Variants in SESTD1 observed in about 807,000 individuals in gnomAD.
The protein encoded by SESTD1 is SEC14 domain and spectrin repeat-containing protein 1.
SESTD1 carries 43 observed loss-of-function variants against 101.7 expected under a neutral mutation model. The ratio of observed to expected loss-of-function variants is 0.42; its 90% CI spans 0.33 to 0.55. The LOEUF (loss-of-function observed/expected upper bound fraction) is 0.55, where lower values mean the gene tolerates loss of function less well. Ranked by LOEUF, SESTD1 falls within the 20% of genes least tolerant of loss-of-function variation. The probability of loss-of-function intolerance (pLI) is 0.07; values close to 1 mark genes in which losing one functional copy is unlikely to be tolerated. For synonymous variants in SESTD1, 283 were observed against 286.8 expected (o/e 0.99, Z 0.13); for missense variants, 647 against 815.1 (o/e 0.79, Z 2.51).
chr2:179,254,828 A>C (rs1332127981), intron 1 of SESTD1, among the ~76,000 whole-genome samples: 1 of 152,172 alleles, frequency 6.6e-6, no homozygotes, highest in Non-Finnish European at 1.5e-5. Flanking sequence ...TTTTTCATAG[A>C]TTGAAGGTTG....
At chr2:179,149,464 T>A in intron 6 of SESTD1, 70 bp from the exon 7 acceptor site, 1 of 1,073,838 alleles carries the variant, frequency 9.3e-7, no homozygotes, top group Non-Finnish European at 1.3e-6. Context: ...GATTGTCAGT[T>A]AAGAGTAATA....
At position 179,125,246 on chromosome 2, in the gene SESTD1, CCT is replaced by C. The variant is rs2044845097; in HGVS notation, c.973-690_973-689del. 2.0e-5 allele frequency among the ~76,000 whole-genome samples: 3 copies of C among 152,300 alleles called. No individual in the cohort carries two copies. The South Asian group carries it at 6.2e-4, about 32-fold the overall frequency. On this transcript the variant is annotated intron_variant, in intron 10 of 17. Transcript: ENST00000428443. ...GACCACCTATTGACTCTCCCATTCA[CCT>C]CTGTTTGTAGGCTCACACCTACAAT... is the stretch of plus-strand genomic sequence containing the variant.
In SESTD1 at chr2:179,109,720, T is replaced by C. The variant is rs2044465074; in HGVS notation, c.*179A>G. On this transcript the variant is annotated 3_prime_UTR_variant, in exon 18 of 18. Transcript: ENST00000428443. Reference sequence around the variant, plus strand: ...ACTTGGAATCTACAGCCTCGAAGCATGTTAAGTAATTATGCCTTGGTAGTA... The same window carrying C: ...ACTTGGAATCTACAGCCTCGAAGCACGTTAAGTAATTATGCCTTGGTAGTA... 4 of 683,042 alleles carry C rather than the reference T, an allele frequency of 5.9e-6. No individual in the cohort carries two copies. Among genetic ancestry groups the C allele is most frequent in the South Asian group, 4.9e-5 (2 of 40,960 alleles). The allele number at this position is 683,042 out of a possible 1,614,324, so 42.3% of individuals were successfully genotyped here.
At chr2:179,156,319 T>C (rs1010004721) in intron 5 of SESTD1, among the ~76,000 whole-genome samples, 2 of 152,174 alleles carry the variant, frequency 1.3e-5, no homozygotes, top group African/African-American at 2.4e-5. Context: ...CTTTTTCGTA[T>C]AATGACTTCT....
intron 1 of SESTD1, among the ~76,000 whole-genome samples, chr2:179,205,329 C>T (rs780747560): frequency 6.0e-5 from 8 of 133,574 alleles, no homozygotes; most frequent in Admixed American, 7.3e-5. Flanking sequence ...GGAATCCCTA[C>T]GACAAGGCAT....
intron 5 of SESTD1, chr2:179,162,642 T>C (rs900785556): frequency 2.0e-5 from 3 of 151,928 alleles, no homozygotes; most frequent in South Asian, 2.1e-4. Context: ...GACTGATCAG[T>C]AGGTATTAAG....
chr2:179,259,304 T>C (rs937347270), intron 1 of SESTD1, among the ~76,000 whole-genome samples: 10 of 152,310 alleles, frequency 6.6e-5, no homozygotes, highest in African/African-American at 2.4e-4. Context: ...CGATCTCGGC[T>C]CACTGCAACC....
chr2:179,158,005 C>T (rs770967171), intron 5 of SESTD1, among the ~76,000 whole-genome samples: 4 of 152,080 alleles, frequency 2.6e-5, no homozygotes, highest in Non-Finnish European at 5.9e-5. Context: ...TACTAGAATA[C>T]CCCAAATGAT....
intron 5 of SESTD1, among the ~76,000 whole-genome samples, chr2:179,160,975 A>T (rs2045724924): frequency 6.6e-6 from 1 of 152,026 alleles, no homozygotes; most frequent in Non-Finnish European, 1.5e-5. Context: ...TCTGGCACCC[A>T]GGCTGAAGGG....
intron 2 of SESTD1, among the ~76,000 whole-genome samples, chr2:179,187,637 C>T (rs1037700485): frequency 1.3e-5 from 2 of 151,878 alleles, no homozygotes; most frequent in African/African-American, 4.8e-5. Flanking sequence ...CTGTCTCAAA[C>T]AAACAAACAA....
intron 1 of SESTD1, among the ~76,000 whole-genome samples, chr2:179,258,436 A>T (rs377266926): frequency 6.6e-6 from 1 of 152,252 alleles, no homozygotes; most frequent in Non-Finnish European, 1.5e-5. Flanking sequence ...GAAACTCATA[A>T]GCAAAAGCTC....
At chr2:179,212,344 T>A (rs1158193913) in intron 1 of SESTD1, among the ~76,000 whole-genome samples, 1 of 136,546 alleles carries the variant, frequency 7.3e-6, no homozygotes, top group Non-Finnish European at 1.6e-5. Flanking sequence ...AAGGAAATTC[T>A]CTCCTATGCC....
Position 179,105,358 on chromosome 2 carries a change from C to T in SESTD1, c.*4541G>A, listed in dbSNP as rs2044358891. The T allele has an allele frequency of 6.6e-6, 1 of 152,098 alleles. No individual in the cohort carries two copies. The allele number at this position is 152,098 out of a possible 1,614,324, so 9.4% of individuals were successfully genotyped here. ...ACCTCAAAACAGATGATACTCATCA[C>T]TTGTCTTCCATCTTGCTGTTCTATT... is the stretch of plus-strand genomic sequence containing the variant. On this transcript the variant is annotated 3_prime_UTR_variant, in exon 18 of 18. Transcript: ENST00000428443.
chr2:179,175,884 T>C (rs1284958257), intron 4 of SESTD1, among the ~76,000 whole-genome samples: 1 of 152,226 alleles, frequency 6.6e-6, no homozygotes, highest in Non-Finnish European at 1.5e-5. Context: ...CGTAGATGTT[T>C]ATTAAATGTT....
Position 179,108,059 on chromosome 2 carries a change from A to T in SESTD1, c.*1840T>A, listed in dbSNP as rs1184188939. 3.3e-5 allele frequency: 5 copies of T among 152,288 alleles called. No individual in the cohort carries two copies. Among genetic ancestry groups the T allele is most frequent in the Non-Finnish European group, 5.9e-5 (4 of 68,020 alleles). 9.4% of individuals were successfully genotyped at this position (152,288 alleles called of 1,614,324 possible). A position where few individuals can be genotyped will look rare whatever the true frequency, so the allele number is the denominator to read the frequency against. On this transcript the variant is annotated 3_prime_UTR_variant, in exon 18 of 18. Transcript: ENST00000428443. The stretch of plus-strand genomic sequence containing the variant: ...CATTAACCTAAATTGTTCCAGGAGG[A>T]AAAGGTGATAAATATTGTCAATCTT...
intron 5 of SESTD1, among the ~76,000 whole-genome samples, chr2:179,170,511 G>C (rs1177115177): frequency 3.3e-5 from 5 of 152,120 alleles, no homozygotes; most frequent in African/African-American, 4.8e-5. Flanking sequence ...TGAAACCCTT[G>C]TAATTCCTAG....
chr2:179,133,003 A>G (rs1314472917), intron 9 of SESTD1, among the ~76,000 whole-genome samples: 1 of 152,182 alleles, frequency 6.6e-6, no homozygotes, highest in East Asian at 1.9e-4. Context: ...ATTAAAAACT[A>G]ATTAGAATTA....
chr2:179,102,086 T>TAA lies in SESTD1; in HGVS notation c.*7811_*7812dup, dbSNP rs1559087543. On this transcript the variant is annotated 3_prime_UTR_variant, in exon 18 of 18. Coordinates refer to ENST00000428443, the MANE Select transcript of SESTD1 (RefSeq NM_178123.5). ...AAATACACATTCACCTTTGATGCCTTAAAAATGGACTTCTCAGTAGGAACA... is the reference window on the plus strand; with the variant it reads ...AAATACACATTCACCTTTGATGCCTTAAAAAAATGGACTTCTCAGTAGGAACA... The TAA allele has an allele frequency of 6.6e-6, 1 of 152,134 alleles. No homozygotes were observed. The highest frequency in any genetic ancestry group is 1.5e-5 in the Non-Finnish European group (1 of 68,014). The allele number at this position is 152,134 out of a possible 1,614,324, so 9.4% of individuals were successfully genotyped here.
chr2:179,231,598 T>C (rs1171848659), intron 1 of SESTD1, among the ~76,000 whole-genome samples: 2 of 151,626 alleles, frequency 1.3e-5, no homozygotes, highest in Non-Finnish European at 2.9e-5. Context: ...GTACACAGTA[T>C]TTATAACATA....
Sources: allele counts gnomAD v4.1 joint callset (sites outside exome capture counted in the v4.1 genomes callset), GRCh38; gene constraint gnomAD v4.1.1; transcripts MANE v1.5; gene names NCBI Gene and HGNC (gene_info 2026-07-23, HGNC 2026-07-21).